EPHA3: variants seen among roughly 807,000 people sequenced by gnomAD.
EPHA3 encodes EPH receptor A3, also known as ephrin type-A receptor 3.
EPHA3 carries 42 observed loss-of-function variants against 107.1 expected under a neutral mutation model. The observed-to-expected ratio is 0.39, with a 90% CI of 0.31 to 0.51. The LOEUF is 0.51. Ranked by LOEUF, EPHA3 falls within the 20% of genes least tolerant of loss-of-function variation. The pLI, the probability that EPHA3 is intolerant of heterozygous loss-of-function variation, is 0.78. For synonymous variants in EPHA3, 461 were observed against 424.8 expected (o/e 1.09, Z -1.05); for missense variants, 1,183 against 1,211.2 (o/e 0.98, Z 0.35).
intron 11 of EPHA3, among the ~76,000 whole-genome samples, chr3:89,425,661 AAAAC>A (rs1021314535): frequency 1.3e-5 from 2 of 151,544 alleles, no homozygotes; most frequent in African/African-American, 4.8e-5. Flanking sequence ...TTTAATCTGA[AAAAC>A]AAAGTTTGTT....
In EPHA3 at chr3:89,341,167, TC is replaced by T. The variant is rs973927570; in HGVS notation, c.970+98del. On this transcript the variant is annotated intron_variant, in intron 4 of 16. Coordinates refer to ENST00000336596, the MANE Select transcript of EPHA3 (RefSeq NM_005233.6). The stretch of plus-strand genomic sequence containing the variant: ...TTTGTTTTAAAGCATTTGGCCCATT[TC>T]CTTCTGTTGCCCGTGTGCAAATTGA... 116 of 1,316,404 alleles carry T rather than the reference TC, an allele frequency of 8.8e-5. No individual in the cohort carries two copies. In the African/African-American group the frequency reaches 1.6e-3, roughly 18 times the overall value. 81.5% of individuals were successfully genotyped at this position (1,316,404 alleles called of 1,614,324 possible). A position where few individuals can be genotyped will look rare whatever the true frequency, so the allele number is the denominator to read the frequency against.
chr3:89,445,283 G>T (rs1576382117), intron 13 of EPHA3, among the ~76,000 whole-genome samples: 1 of 152,018 alleles, frequency 6.6e-6, no homozygotes, highest in Non-Finnish European at 1.5e-5. Context: ...ATTGGGCAAA[G>T]CAAATCACTT....
chr3:89,186,391 T>C (rs1330191967), intron 2 of EPHA3, among the ~76,000 whole-genome samples: 5 of 152,104 alleles, frequency 3.3e-5, no homozygotes, highest in Non-Finnish European at 7.4e-5. Flanking sequence ...ATAAATAAGA[T>C]AGTAAGTTTA....
chr3:89,184,948 T>A (rs1453034535), intron 2 of EPHA3, among the ~76,000 whole-genome samples: 1 of 152,082 alleles, frequency 6.6e-6, no homozygotes, highest in African/African-American at 2.4e-5. Context: ...TTGGAAAGCA[T>A]GTTTTTAATT....
At chr3:89,296,896 C>A (rs1486696113) in intron 3 of EPHA3, among the ~76,000 whole-genome samples, 1 of 152,160 alleles carries the variant, frequency 6.6e-6, no homozygotes, top group Non-Finnish European at 1.5e-5. Flanking sequence ...TCAGTACTTG[C>A]TGCTTCACCT....
chr3:89,436,509 A>G (rs1709672902), intron 13 of EPHA3, among the ~76,000 whole-genome samples: 2 of 152,230 alleles, frequency 1.3e-5, no homozygotes, highest in African/African-American at 4.8e-5. Context: ...GGTAGAGCGT[A>G]GTTGCACTGA....
chr3:89,337,173 C>A (rs1707412769), intron 3 of EPHA3, among the ~76,000 whole-genome samples: 1 of 151,958 alleles, frequency 6.6e-6, no homozygotes, highest in Admixed American at 6.6e-5. Context: ...ATGACAAAGT[C>A]TTGCAATTTT....
intron 5 of EPHA3, among the ~76,000 whole-genome samples, chr3:89,382,167 C>G (rs1708521499): frequency 6.6e-6 from 1 of 151,994 alleles, no homozygotes; most frequent in Admixed American, 6.6e-5. Flanking sequence ...TTTATTGTAA[C>G]TCAGGTATGG....
At chr3:89,388,588 G>GA in intron 5 of EPHA3, among the ~76,000 whole-genome samples, 1 of 152,058 alleles carries the variant, frequency 6.6e-6, no homozygotes, top group East Asian at 1.9e-4. Context: ...ACAAACAACT[G>GA]AAAAAAAGAA....
At chr3:89,271,213 A>C (rs1202794200) in intron 3 of EPHA3, among the ~76,000 whole-genome samples, 1 of 152,066 alleles carries the variant, frequency 6.6e-6, no homozygotes, top group East Asian at 1.9e-4. Flanking sequence ...AATTTTACCT[A>C]TAAAGTCACT....
chr3:89,479,639 C>A lies in EPHA3; in HGVS notation c.*137C>A. ...AGACACTCAAATATGAGTACAAATG[C>A]CTTAAAATGGAATTGAAAAACTCTT... On this transcript the variant is annotated 3_prime_UTR_variant, in exon 17 of 17. Coordinates refer to ENST00000336596, the MANE Select transcript of EPHA3 (RefSeq NM_005233.6). 1.7e-6 allele frequency: 1 copy of A among 588,380 alleles called. No individual in the cohort carries two copies. The highest frequency in any genetic ancestry group is 3.0e-6 in the Non-Finnish European group (1 of 335,590). The allele number at this position is 588,380 out of a possible 1,614,324, so 36.4% of individuals were successfully genotyped here.
At chr3:89,288,773 A>C (rs1706147577) in intron 3 of EPHA3, among the ~76,000 whole-genome samples, 1 of 152,170 alleles carries the variant, frequency 6.6e-6, no homozygotes, top group Non-Finnish European at 1.5e-5. Context: ...GTTACAAGAA[A>C]AGGAGGCATT....
chr3:89,468,810 T>C (rs1180581199), intron 15 of EPHA3, among the ~76,000 whole-genome samples: 4 of 152,174 alleles, frequency 2.6e-5, no homozygotes, highest in East Asian at 3.9e-4. Flanking sequence ...ATGATAACTA[T>C]GCTGAAACAA....
At chr3:89,156,964 A>C (rs1704820837) in intron 2 of EPHA3, among the ~76,000 whole-genome samples, 1 of 151,968 alleles carries the variant, frequency 6.6e-6, no homozygotes, top group African/African-American at 2.4e-5. Context: ...GCCTGGACAG[A>C]TTTCAAGATT....
At chr3:89,222,357 A>G (rs1704399795) in intron 3 of EPHA3, among the ~76,000 whole-genome samples, 1 of 146,978 alleles carries the variant, frequency 6.8e-6, no homozygotes, top group African/African-American at 2.5e-5. Context: ...ATATATATGT[A>G]TATGTATATG....
chr3:89,195,042 C>CT, intron 2 of EPHA3, among the ~76,000 whole-genome samples: 1 of 151,878 alleles, frequency 6.6e-6, no homozygotes, highest in Admixed American at 6.6e-5. Context: ...GTATTTTTTT[C>CT]TTTTTTAAAC....
At chr3:89,234,326 G>A (rs564060053) in intron 3 of EPHA3, among the ~76,000 whole-genome samples, 1 of 152,286 alleles carries the variant, frequency 6.6e-6, no homozygotes, top group South Asian at 2.1e-4. Flanking sequence ...CATTTTCCAT[G>A]TGACAGCTGT....
At chr3:89,360,579 C>A (rs1419550670) in intron 5 of EPHA3, among the ~76,000 whole-genome samples, 1 of 151,032 alleles carries the variant, frequency 6.6e-6, no homozygotes, top group Non-Finnish European at 1.5e-5. Flanking sequence ...ATGCCTTCAA[C>A]ATATCACAAG....
At position 89,481,578 on chromosome 3, in the gene EPHA3, G is replaced by A. The variant is rs150121394; in HGVS notation, c.*2076G>A. On this transcript the variant is annotated 3_prime_UTR_variant, in exon 17 of 17. Transcript: ENST00000336596. ...AACCCATGCATTTCATAAACTAATAGAAGTTGAGGATTGTTGAATCTATTT... is the reference window on the plus strand; with the variant it reads ...AACCCATGCATTTCATAAACTAATAAAAGTTGAGGATTGTTGAATCTATTT... The A allele has an allele frequency of 3.4e-5, 8 of 232,520 alleles. No individual in the cohort carries two copies. In the East Asian group the frequency reaches 4.3e-4, roughly 12 times the overall value. 14.4% of individuals were successfully genotyped at this position (232,520 alleles called of 1,614,324 possible).
Sources: allele counts gnomAD v4.1 joint callset (sites outside exome capture counted in the v4.1 genomes callset), GRCh38; gene constraint gnomAD v4.1.1; transcripts MANE v1.5; gene names NCBI Gene and HGNC (gene_info 2026-07-23, HGNC 2026-07-21).